The following ZNF735 variants were observed in gnomAD, a reference collection of about 807,000 sequenced individuals.
The protein encoded by ZNF735 is zinc finger protein 735.
In ZNF735, 11 loss-of-function variants were observed where a neutral mutation model predicts 13.4. The observed-to-expected ratio is 0.82, with a 90% confidence interval of 0.52 to 1.36. The LOEUF is 1.36. Among genes scored for constraint, ZNF735 ranks in the 40% most tolerant of loss-of-function variants. The pLI is 0.00. For missense variants in ZNF735, 500 were observed against 484.6 expected, an observed-to-expected ratio of 1.03 and a Z score of -0.30; for synonymous variants, 171 against 162.6, an observed-to-expected ratio of 1.05 and a Z score of -0.39.
In ZNF735 at chr7:64,207,246, G is replaced by T; in HGVS notation, c.39+5G>T. 6.2e-7 allele frequency: 1 copy of T among 1,614,194 alleles called. No individual in the cohort carries two copies. The highest frequency in any genetic ancestry group is 1.1e-5 in the South Asian group (1 of 91,080). On this transcript the variant is annotated splice_donor_5th_base_variant and intron_variant, in intron 1 of 3. Transcript: ENST00000429565. The stretch of plus-strand genomic sequence containing the variant: ...CCCCCTGGAAGCCGAGAAATGGTGA[G>T]TGCTGGGTCTGTCATCGTGAGAGAG...
At chr7:64,208,132 T>C (rs902771118) in intron 1 of ZNF735, among the ~76,000 whole-genome samples, 3 of 152,296 alleles carry the variant, frequency 2.0e-5, no homozygotes, top group African/African-American at 7.2e-5. Flanking sequence ...TTTAGTGTTT[T>C]TACTTGGAAG....
At chr7:64,218,435 CATTT>C (rs1425552317) in intron 3 of ZNF735, among the ~76,000 whole-genome samples, 1 of 151,644 alleles carries the variant, frequency 6.6e-6, no homozygotes, top group Non-Finnish European at 1.5e-5. Context: ...TTAACTTCTT[CATTT>C]GTTACATTAC....
At chr7:64,207,570 G>T (rs1338110466) in intron 1 of ZNF735, among the ~76,000 whole-genome samples, 1 of 152,180 alleles carries the variant, frequency 6.6e-6, no homozygotes, top group African/African-American at 2.4e-5. Flanking sequence ...CCTGACACAG[G>T]GTGCAGGATT....
chr7:64,211,661 C>G (rs1196038238), intron 1 of ZNF735, among the ~76,000 whole-genome samples: 1 of 151,558 alleles, frequency 6.6e-6, no homozygotes, highest in African/African-American at 2.4e-5. Flanking sequence ...GTCAGGAGTT[C>G]GAGGCCCGCC....
chr7:64,210,226 G>C (rs1787339655), intron 1 of ZNF735, among the ~76,000 whole-genome samples: 1 of 152,100 alleles, frequency 6.6e-6, no homozygotes. Context: ...GGTTTTCCAG[G>C]TGCAGATTTA....
chr7:64,211,451 A>G (rs996247339), intron 1 of ZNF735, among the ~76,000 whole-genome samples: 8 of 152,210 alleles, frequency 5.3e-5, no homozygotes, highest in Non-Finnish European at 8.8e-5. Context: ...TGAAAAAACT[A>G]TTAGGAGATA....
intron 1 of ZNF735, among the ~76,000 whole-genome samples, chr7:64,209,657 C>T (rs1787334193): frequency 6.6e-6 from 1 of 152,080 alleles, no homozygotes; most frequent in African/African-American, 2.4e-5. Flanking sequence ...TAGGTCTCAA[C>T]TTTCTTCATT....
In ZNF735 at chr7:64,218,429, C is replaced by G. The variant is rs185517878; in HGVS notation, c.263-885C>G. Among the ~76,000 whole-genome samples, 121 of 151,616 alleles carry G rather than the reference C, an allele frequency of 8.0e-4. 3 individuals carry two copies. In the East Asian group the frequency reaches 0.021, roughly 26 times the overall value. On this transcript the variant is annotated intron_variant, in intron 3 of 3. Transcript: ENST00000429565. ...TGTATATCCTAGTTTGTTTGTTTAA[C>G]TTCTTCATTTGTTACATTACTTTTT... is the stretch of plus-strand genomic sequence containing the variant.
chr7:64,207,213 G>T, exon 1 of ZNF735: 3 of 1,614,194 alleles, frequency 1.9e-6, no homozygotes, highest in Non-Finnish European at 2.5e-6. Flanking sequence ...ATGGCTAAAA[G>T]ACCGGGACCC....
intron 1 of ZNF735, among the ~76,000 whole-genome samples, chr7:64,212,883 T>C (rs1639432468): frequency 6.6e-6 from 1 of 152,158 alleles, no homozygotes; most frequent in Non-Finnish European, 1.5e-5. Context: ...TCAAAGCTAC[T>C]GTGGTATTGT....
chr7:64,209,773 C>G (rs1169593436), intron 1 of ZNF735, among the ~76,000 whole-genome samples: 1 of 152,028 alleles, frequency 6.6e-6, no homozygotes, highest in African/African-American at 2.4e-5. Flanking sequence ...TGAGATCTTT[C>G]TAACTTTTTG....
At chr7:64,212,608 C>T (rs1787374082) in intron 1 of ZNF735, among the ~76,000 whole-genome samples, 1 of 151,988 alleles carries the variant, frequency 6.6e-6, no homozygotes. Context: ...GCCTGGCCAA[C>T]ATGGAGAAAC....
chr7:64,218,734 A>G (rs1787451862), intron 3 of ZNF735, among the ~76,000 whole-genome samples: 1 of 152,186 alleles, frequency 6.6e-6, no homozygotes, highest in Non-Finnish European at 1.5e-5. Flanking sequence ...TTAACATAAA[A>G]CTACCTTTCA....
At chr7:64,208,286 C>T (rs1787316632) in intron 1 of ZNF735, among the ~76,000 whole-genome samples, 3 of 110,928 alleles carry the variant, frequency 2.7e-5, no homozygotes, top group Admixed American at 2.5e-4. Context: ...GAGAGGGAGT[C>T]TCACTCTGTC....
chr7:64,217,341 C>T (rs562412436), intron 3 of ZNF735, among the ~76,000 whole-genome samples: 4 of 152,304 alleles, frequency 2.6e-5, no homozygotes, highest in South Asian at 4.1e-4. Flanking sequence ...CTTGTACAGT[C>T]TACTGAACTG....
At chr7:64,219,272 A>T (rs1787457625) in intron 3 of ZNF735, 42 bp from the exon 4 acceptor site, 1 of 1,587,384 alleles carries the variant, frequency 6.3e-7, no homozygotes, top group African/African-American at 1.4e-5. Context: ...TATTTATCTG[A>T]GTCTAGTAAG....
chr7:64,218,281 A>G (rs952433892), intron 3 of ZNF735, among the ~76,000 whole-genome samples: 18 of 144,272 alleles, frequency 1.2e-4, no homozygotes, highest in African/African-American at 3.8e-4. Context: ...TGACAAATTC[A>G]CTGGTTGTCT....
At chr7:64,209,214 C>G (rs1284749714) in intron 1 of ZNF735, among the ~76,000 whole-genome samples, 4 of 145,770 alleles carry the variant, frequency 2.7e-5, no homozygotes, top group Non-Finnish European at 6.0e-5. Context: ...CACAACCTCA[C>G]AAGCATCTGT....
At chr7:64,207,373 GT>G in intron 1 of ZNF735, 132 bp downstream of exon 1, 2 of 1,559,424 alleles carry the variant, frequency 1.3e-6, no homozygotes, top group Non-Finnish European at 8.8e-7. Flanking sequence ...CCTTGGCCCA[GT>G]TCGGCTGTTA....
Sources: allele counts gnomAD v4.1 joint callset (sites outside exome capture counted in the v4.1 genomes callset), GRCh38; gene constraint gnomAD v4.1.1; transcripts MANE v1.5; gene names NCBI Gene and HGNC (gene_info 2026-07-23, HGNC 2026-07-21).